HDAC9: variants seen among roughly 807,000 people sequenced by gnomAD.
The protein encoded by HDAC9 is histone deacetylase 9, also known as MEF-2 interacting transcription repressor (MITR) protein.
In HDAC9, 41 loss-of-function variants were observed where a neutral mutation model predicts 139.4. The observed-to-expected ratio is 0.29, with a 90% CI of 0.23 to 0.38. The LOEUF (loss-of-function observed/expected upper bound fraction) is 0.38, where lower values mean the gene tolerates loss of function less well. Among genes scored for constraint, HDAC9 ranks in the 10% least tolerant of loss-of-function variants. The probability of loss-of-function intolerance (pLI) is 1.00; values close to 1 mark genes in which losing one functional copy is unlikely to be tolerated. For missense variants in HDAC9, 1,147 were observed against 1,297.0 expected, an observed-to-expected ratio of 0.88 and a Z score of 1.78; for synonymous variants, 517 against 476.2, an observed-to-expected ratio of 1.09 and a Z score of -1.12.
chr7:18,338,742 C>T (rs1781772990), intron 1 of HDAC9, among the ~76,000 whole-genome samples: 1 of 151,422 alleles, frequency 6.6e-6, no homozygotes, highest in Admixed American at 6.6e-5. Flanking sequence ...ATGTGTCCCT[C>T]AGATTTTGGT....
chr7:18,181,599 A>G (rs1200973570), intron 2 of HDAC9, among the ~76,000 whole-genome samples: 2 of 152,194 alleles, frequency 1.3e-5, no homozygotes, highest in African/African-American at 2.4e-5. Flanking sequence ...TCAGGTGTAT[A>G]TATTGAGTAC....
At chr7:18,331,375 C>G (rs912382615) in intron 1 of HDAC9, among the ~76,000 whole-genome samples, 1 of 151,530 alleles carries the variant, frequency 6.6e-6, no homozygotes, top group African/African-American at 2.4e-5. Context: ...AAGATGTGTT[C>G]AGTTAACATA....
chr7:18,322,587 C>T (rs1375522399), intron 1 of HDAC9, among the ~76,000 whole-genome samples: 6 of 152,112 alleles, frequency 3.9e-5, no homozygotes, highest in Non-Finnish European at 5.9e-5. Flanking sequence ...TATAGACAGA[C>T]GCAGAATGTT....
intron 1 of HDAC9, among the ~76,000 whole-genome samples, chr7:18,477,925 C>T (rs1233644366): frequency 6.6e-6 from 1 of 152,076 alleles, no homozygotes; most frequent in Non-Finnish European, 1.5e-5. Context: ...TGTTTGCCTA[C>T]CACAACTATA....
chr7:18,411,817 CTTTTTT>C (rs71014326), intron 1 of HDAC9, among the ~76,000 whole-genome samples: 93 of 88,954 alleles, frequency 1.0e-3, no homozygotes, highest in South Asian at 2.6e-3. Context: ...TTTCAACTTG[CTTTTTT>C]TTTTTTTTTT....
intron 2 of HDAC9, among the ~76,000 whole-genome samples, chr7:18,189,518 A>C (rs921729787): frequency 6.6e-6 from 1 of 152,166 alleles, no homozygotes; most frequent in African/African-American, 2.4e-5. Flanking sequence ...CGTGGGGCTT[A>C]TTAGTATGTG....
At chr7:18,357,303 G>T (rs1783394782) in intron 1 of HDAC9, among the ~76,000 whole-genome samples, 1 of 152,104 alleles carries the variant, frequency 6.6e-6, no homozygotes, top group African/African-American at 2.4e-5. Flanking sequence ...TGCCTGAACA[G>T]ACCTTTAAGC....
chr7:18,342,743 AT>A (rs1221117536), intron 1 of HDAC9, among the ~76,000 whole-genome samples: 1 of 151,798 alleles, frequency 6.6e-6, no homozygotes, highest in East Asian at 1.9e-4. Flanking sequence ...TTTTATCACT[AT>A]TTTATATTAC....
intron 14 of HDAC9, among the ~76,000 whole-genome samples, chr7:18,761,007 A>G (rs1235167349): frequency 1.3e-5 from 2 of 152,254 alleles, no homozygotes; most frequent in Non-Finnish European, 2.9e-5. Flanking sequence ...ACATGAAAGG[A>G]CAGCATTCCC....
intron 1 of HDAC9, among the ~76,000 whole-genome samples, chr7:18,368,864 C>T (rs542993482): frequency 6.6e-6 from 1 of 152,126 alleles, no homozygotes; most frequent in Non-Finnish European, 1.5e-5. Flanking sequence ...GATGAACTCA[C>T]TATGTAGGCC....
chr7:18,626,839 A>AT (rs1841852140), intron 6 of HDAC9, among the ~76,000 whole-genome samples: 1 of 152,140 alleles, frequency 6.6e-6, no homozygotes, highest in Non-Finnish European at 1.5e-5. Flanking sequence ...TTTAAATGGC[A>AT]TATGCTATTT....
intron 8 of HDAC9, among the ~76,000 whole-genome samples, chr7:18,636,524 T>C (rs760378370): frequency 2.0e-5 from 3 of 152,038 alleles, no homozygotes; most frequent in Non-Finnish European, 4.4e-5. Flanking sequence ...ATTTCAAAAA[T>C]TTCCCTCAAA....
At chr7:18,586,397 T>C (rs967117117) in intron 3 of HDAC9, among the ~76,000 whole-genome samples, 1 of 152,092 alleles carries the variant, frequency 6.6e-6, no homozygotes, top group Non-Finnish European at 1.5e-5. Flanking sequence ...AAAAATTTTA[T>C]TTTTATATCT....
At chr7:18,155,174 C>A (rs746047943) in intron 1 of HDAC9, among the ~76,000 whole-genome samples, 8 of 151,358 alleles carry the variant, frequency 5.3e-5, no homozygotes, top group Non-Finnish European at 1.0e-4. Context: ...TGTGAGTCTC[C>A]TTTTAAACTC....
At chr7:18,645,337 C>G (rs1040324828) in intron 9 of HDAC9, among the ~76,000 whole-genome samples, 1 of 152,156 alleles carries the variant, frequency 6.6e-6, no homozygotes, top group African/African-American at 2.4e-5. Context: ...GAAAAACTCT[C>G]TAAGAAAAAT....
chr7:18,520,429 A>G (rs563780918), intron 2 of HDAC9, among the ~76,000 whole-genome samples: 1 of 152,192 alleles, frequency 6.6e-6, no homozygotes, highest in African/African-American at 2.4e-5. Context: ...ATTTTTCTGA[A>G]TAATTAGAGG....
chr7:18,540,053 T>C (rs1055883349), intron 2 of HDAC9, among the ~76,000 whole-genome samples: 1 of 144,582 alleles, frequency 6.9e-6, no homozygotes, highest in African/African-American at 2.6e-5. Context: ...AGGTCAGGAG[T>C]TCGAGACCAG....
At chr7:18,420,861 G>A (rs1042482681) in intron 1 of HDAC9, among the ~76,000 whole-genome samples, 7 of 152,232 alleles carry the variant, frequency 4.6e-5, no homozygotes, top group African/African-American at 1.2e-4. Flanking sequence ...GTGTGGTCAA[G>A]GATGGCCCCT....
intron 1 of HDAC9, among the ~76,000 whole-genome samples, chr7:18,332,200 A>G (rs1800973579): frequency 6.6e-6 from 1 of 151,684 alleles, no homozygotes; most frequent in Non-Finnish European, 1.5e-5. Flanking sequence ...TTTTCAAACT[A>G]ACAACCAAAA....
Sources: allele counts gnomAD v4.1 joint callset (sites outside exome capture counted in the v4.1 genomes callset), GRCh38; gene constraint gnomAD v4.1.1; transcripts MANE v1.5; gene names NCBI Gene and HGNC (gene_info 2026-07-23, HGNC 2026-07-21).